Variants in PHRF1 observed in about 807,000 individuals in gnomAD.
The protein encoded by PHRF1 is PHD and RING finger domain-containing protein 1.
A neutral mutation model predicts 128.9 loss-of-function variants in PHRF1; 53 were observed. The observed-to-expected ratio is 0.41, with a 90% CI of 0.33 to 0.52. The LOEUF (loss-of-function observed/expected upper bound fraction) is 0.52, where lower values mean the gene tolerates loss of function less well. PHRF1 is among the 20% of genes least tolerant of loss of function. PHRF1 has a pLI of 0.21. For synonymous variants in PHRF1, 1,178 were observed against 980.6 expected (o/e 1.20, Z -3.76); for missense variants, 2,503 against 2,284.5 (o/e 1.10, Z -1.95).
At chr11:605,845 C>A in intron 12 of PHRF1, 121 bp downstream of exon 12, 1 of 1,405,890 alleles carries the variant, frequency 7.1e-7, no homozygotes, top group South Asian at 1.5e-5. Context: ...AGCACCTCCC[C>A]TCAGCTGTCA....
In PHRF1 at chr11:597,691, A is replaced by G; in HGVS notation, c.894+121A>G. 3.8e-6 allele frequency: 5 copies of G among 1,314,848 alleles called. No homozygotes were observed. Among genetic ancestry groups the G allele is most frequent in the Non-Finnish European group, 5.2e-6 (5 of 968,114 alleles). The allele number at this position is 1,314,848 out of a possible 1,614,324, so 81.4% of individuals were successfully genotyped here. A position where few individuals can be genotyped will look rare whatever the true frequency, so the allele number is the denominator to read the frequency against. On this transcript the variant is annotated intron_variant, in intron 8 of 17. Transcript: ENST00000264555. The surrounding 1 kb of genome is among the most constrained non-coding windows in gnomAD (Gnocchi z 6.5). ...GGGGTCCGCCCGGCCCCGGTGGCTC[A>G]TGTTGTTCGGCCTGCTGAGGGGAGC... is the stretch of plus-strand genomic sequence containing the variant.
Position 605,630 on chromosome 11 carries a change from C to G in PHRF1, c.1360C>G (p.Leu454Val), listed in dbSNP as rs1296614481. The change falls in exon 12 of 18, where the codon CTT (leucine) becomes GTT (valine). Residue 454 changes from leucine (L) to valine (V), a missense_variant. By Grantham distance (32) the Leu-to-Val change is conservative. Transcript: ENST00000264555. ...DSSEELSANP[L>V]SPLSAKRRAL... ...CAGTGAAGAGCTTTCTGCAAACCCT[C>G]TTTCCCCTCTGAGTGCCAAGAGACG... 1.1e-5 allele frequency: 18 copies of G among 1,613,720 alleles called. No individual in the cohort carries two copies. The highest frequency in any genetic ancestry group is 6.7e-5 in the African/African-American group (5 of 74,936).
chr11:598,386 G>A lies in PHRF1; in HGVS notation c.908G>A (p.Arg303His), dbSNP rs201679778. 76 of 1,609,520 alleles carry A rather than the reference G, an allele frequency of 4.7e-5. No homozygotes were observed. The highest frequency in any genetic ancestry group is 5.8e-5 in the Non-Finnish European group (69 of 1,179,770). ...TARRVQHTPGRLGSSLLDEAI... is the reference protein window; with the variant it reads ...TARRVQHTPGHLGSSLLDEAI... ...CTTTGCCTGTAGCACACACCAGGGC[G>A]CCTCGGGTCTTCCCTGCTGGATGAA... Residue 303 changes from arginine to histidine, a missense_variant, in exon 9 of 18, where the codon CGC becomes CAC. By Grantham distance (29) the Arg-to-His change is conservative. Coordinates refer to ENST00000264555, the MANE Select transcript of PHRF1 (RefSeq NM_001286581.2).
chr11:588,306 C>T lies in PHRF1; in HGVS notation c.420+842C>T, dbSNP rs116136736. On this transcript the variant is annotated intron_variant, in intron 4 of 17. Transcript: ENST00000264555. ...GGCTGTGATGTCACCCAAAGTCTGG[C>T]TCTGGTACTTCCTGTTCCTGTTCTG... 6.8e-3 allele frequency among the ~76,000 whole-genome samples: 1,041 copies of T among 152,316 alleles called. 15 individuals are homozygous for T. Among genetic ancestry groups the T allele is most frequent in the African/African-American group, 0.024 (990 of 41,570 alleles).
intron 3 of PHRF1, among the ~76,000 whole-genome samples, chr11:585,814 G>T (rs956997696): frequency 6.6e-6 from 1 of 150,786 alleles, no homozygotes; most frequent in Non-Finnish European, 1.5e-5. Context: ...CCAAGTAGCT[G>T]GGACTATAGG....
At chr11:590,784 A>C (rs1012064457) in intron 4 of PHRF1, among the ~76,000 whole-genome samples, 1 of 152,068 alleles carries the variant, frequency 6.6e-6, no homozygotes, top group Non-Finnish European at 1.5e-5. Flanking sequence ...GCTCACCGCA[A>C]CCTCAGCCTC....
Position 592,106 on chromosome 11 carries a change from G to A in PHRF1, c.505-453G>A, listed in dbSNP as rs12226533. 7.6e-4 allele frequency among the ~76,000 whole-genome samples: 116 copies of A among 152,164 alleles called. 3 individuals carry two copies. The East Asian group carries it at 0.021, about 28-fold the overall frequency. Reference sequence around the variant, plus strand: ...AATTTTTTGTATTTTTAGTAGAGACGGGGTTTCACTGTGTTAGCCAGGATG... The same window carrying A: ...AATTTTTTGTATTTTTAGTAGAGACAGGGTTTCACTGTGTTAGCCAGGATG... On this transcript the variant is annotated intron_variant, in intron 5 of 17. Transcript: ENST00000264555.
At position 610,971 on chromosome 11, in the gene PHRF1, C is replaced by G; in HGVS notation, c.4695C>G (p.His1565Gln). ...CCCTCTAGTACATGAAGAAGCTGCA[C>G]ATGCAGGAGCGTGCTGTGGAGGAGG... ...TKKEEYMKKL[H>Q]MQERAVEEVK... is the part of the protein sequence containing the mutation. The change falls in exon 17 of 18, where the codon CAC (histidine) becomes CAG (glutamine). Residue 1565 changes from histidine to glutamine, a missense_variant. His to Gln is a conservative substitution (Grantham distance 24). Coordinates refer to ENST00000264555, the MANE Select transcript of PHRF1 (RefSeq NM_001286581.2). 1 of 1,613,212 alleles carries G rather than the reference C, an allele frequency of 6.2e-7. No individual in the cohort carries two copies. The highest frequency in any genetic ancestry group is 8.5e-7 in the Non-Finnish European group (1 of 1,179,746).
chr11:578,346 G>A (rs1489777877), intron 1 of PHRF1, among the ~76,000 whole-genome samples: 1 of 152,226 alleles, frequency 6.6e-6, no homozygotes, highest in Non-Finnish European at 1.5e-5. Flanking sequence ...TGCTGCTGTG[G>A]TGGAGGAGTG....
intron 3 of PHRF1, 80 bp downstream of exon 3, chr11:582,161 T>C: frequency 6.5e-7 from 1 of 1,539,738 alleles, no homozygotes; most frequent in Non-Finnish European, 8.7e-7. Flanking sequence ...ACATCCTCCG[T>C]GAGAGTGCTG....
chr11:587,255 C>G lies in PHRF1; in HGVS notation c.215-4C>G, dbSNP rs772699045. On this transcript the variant is annotated splice_polypyrimidine_tract_variant and splice_region_variant and intron_variant, in intron 3 of 17. Transcript: ENST00000264555. ...TTGCACCAGCTGGCATGTTTCCTCT[C>G]CAGGTTCCGAGGATTCTGAAGACGA... The G allele has an allele frequency of 5.0e-6, 8 of 1,612,764 alleles. No homozygotes were observed. Among genetic ancestry groups the G allele is most frequent in the Non-Finnish European group, 6.8e-6 (8 of 1,179,666 alleles).
intron 1 of PHRF1, among the ~76,000 whole-genome samples, chr11:577,264 C>G (rs1853923880): frequency 6.6e-6 from 1 of 152,224 alleles, no homozygotes; most frequent in South Asian, 2.1e-4. Flanking sequence ...CGCCGGCAGC[C>G]GGGGATCCGC....
rs758734457 is a variant in PHRF1, at chr11:611,791, C to T, written c.*14C>T. 9.4e-6 allele frequency: 15 copies of T among 1,588,468 alleles called. No homozygotes were observed. The Middle Eastern group carries it at 5.1e-4, about 54-fold the overall frequency. ...GCCGAGGGCTGAGGCCAGGCAATCACGGGCTATGCCCGGGGAGCTGTCGGG... is the reference window on the plus strand; with the variant it reads ...GCCGAGGGCTGAGGCCAGGCAATCATGGGCTATGCCCGGGGAGCTGTCGGG... On this transcript the variant is annotated 3_prime_UTR_variant, in exon 18 of 18. Coordinates refer to ENST00000264555, the MANE Select transcript of PHRF1 (RefSeq NM_001286581.2).
At position 609,077 on chromosome 11, in the gene PHRF1, A is replaced by T; in HGVS notation, c.3621A>T (p.Ala1207=). The T allele has an allele frequency of 6.2e-7, 1 of 1,602,072 alleles. No individual in the cohort carries two copies. The highest frequency in any genetic ancestry group is 1.1e-5 in the South Asian group (1 of 90,294). The part of the protein sequence containing the change: ...AVREASPAPL[A]QGEPGREDLP... ...GGGAGGCTTCCCCAGCGCCCCTTGC[A>T]CAGGGGGAGCCAGGGCGGGAAGACC... The change falls in exon 14 of 18, where the codon GCA becomes GCT. Residue 1207 remains alanine (A), a synonymous_variant. Coordinates refer to ENST00000264555, the MANE Select transcript of PHRF1 (RefSeq NM_001286581.2).
Position 606,440 on chromosome 11 carries a change from A to T in PHRF1, c.1455-2A>T. The T allele has an allele frequency of 6.5e-7, 1 of 1,545,326 alleles. No homozygotes were observed. Among genetic ancestry groups the T allele is most frequent in the Non-Finnish European group, 8.7e-7 (1 of 1,151,024 alleles). ...GGCAGGGCCTTGGGTCTGTGCCCAC[A>T]GGAGGCGCCTCCCTGCCGCGGTGCC... On this transcript the variant is annotated splice_acceptor_variant, in intron 12 of 17. Coordinates refer to ENST00000264555, the MANE Select transcript of PHRF1 (RefSeq NM_001286581.2). LOFTEE classifies it high-confidence loss of function.
At chr11:584,696 C>T (rs541991680) in intron 3 of PHRF1, among the ~76,000 whole-genome samples, 2 of 150,664 alleles carry the variant, frequency 1.3e-5, no homozygotes, top group East Asian at 3.9e-4. Flanking sequence ...TTGGTATAGC[C>T]ACTGTGAACA....
At chr11:591,781 C>G (rs1199403309) in intron 5 of PHRF1, among the ~76,000 whole-genome samples, 1 of 152,190 alleles carries the variant, frequency 6.6e-6, no homozygotes, top group Non-Finnish European at 1.5e-5. Flanking sequence ...CCATCTTGCT[C>G]TTTCACCCAG....
chr11:577,068 C>T (rs1360543360), intron 1 of PHRF1, among the ~76,000 whole-genome samples: 2 of 152,238 alleles, frequency 1.3e-5, no homozygotes, highest in African/African-American at 4.8e-5. Flanking sequence ...TGCCTTGTGT[C>T]CGGCCCCTGT....
At chr11:610,047 C>T (rs1436477137) in intron 14 of PHRF1, 149 bp from the exon 15 acceptor site, 11 of 1,088,070 alleles carry the variant, frequency 1.0e-5, no homozygotes, top group Admixed American at 3.0e-5. Context: ...TGGCACACCT[C>T]GCAACCTCCC....
Sources: allele counts gnomAD v4.1 joint callset (sites outside exome capture counted in the v4.1 genomes callset), GRCh38; gene constraint gnomAD v4.1.1; non-coding constraint Gnocchi (gnomAD v3.1); transcripts MANE v1.5; gene names NCBI Gene and HGNC (gene_info 2026-07-23, HGNC 2026-07-21).